Variants in RBFOX1 observed in about 807,000 individuals in gnomAD.
RBFOX1 encodes the protein RNA binding fox-1 homolog 1, also known as RNA binding protein fox-1 homolog 1.
A neutral mutation model predicts 57.7 loss-of-function variants in RBFOX1; 8 were observed. The ratio of observed to expected loss-of-function variants is 0.14; its 90% CI spans 0.08 to 0.25. The LOEUF is 0.25. Ranked by LOEUF, RBFOX1 falls within the 10% of genes least tolerant of loss-of-function variation. The pLI is 1.00. For missense variants in RBFOX1, 611 were observed against 548.5 expected (o/e 1.11, Z -1.14); for synonymous variants, 326 against 222.4 (o/e 1.47, Z -4.15).
At chr16:5,801,521 G>A (rs1166887592) in intron 3 of RBFOX1, among the ~76,000 whole-genome samples, 1 of 152,142 alleles carries the variant, frequency 6.6e-6, no homozygotes, top group Non-Finnish European at 1.5e-5. Flanking sequence ...AGAGACATAT[G>A]TGTCTCGACA....
chr16:6,098,067 A>C (rs2096265815), intron 1 of RBFOX1, among the ~76,000 whole-genome samples: 1 of 152,194 alleles, frequency 6.6e-6, no homozygotes. Context: ...TTTCAAAGGC[A>C]AGAGAAGTGT....
intron 4 of RBFOX1, among the ~76,000 whole-genome samples, chr16:7,115,414 G>GT (rs1349874733): frequency 6.6e-6 from 1 of 152,192 alleles, no homozygotes; most frequent in African/African-American, 2.4e-5. Context: ...TTTTGCCTTA[G>GT]TTACCTATTG....
intron 3 of RBFOX1, among the ~76,000 whole-genome samples, chr16:5,670,228 T>G (rs941005642): frequency 6.6e-6 from 1 of 152,216 alleles, no homozygotes; most frequent in East Asian, 1.9e-4. Context: ...GGTTTCCTTG[T>G]AATGAAAATG....
At chr16:7,477,345 C>G (rs113738730) in intron 4 of RBFOX1, among the ~76,000 whole-genome samples, 3 of 152,192 alleles carry the variant, frequency 2.0e-5, no homozygotes, top group African/African-American at 7.2e-5. Flanking sequence ...CCAAACAGCC[C>G]TAAATCATTG....
intron 4 of RBFOX1, among the ~76,000 whole-genome samples, chr16:7,314,457 G>T (rs928468717): frequency 6.6e-6 from 1 of 152,196 alleles, no homozygotes; most frequent in African/African-American, 2.4e-5. Flanking sequence ...GTGTGCGCCT[G>T]TGTGCGGTTG....
chr16:7,003,508 C>A (rs1022338142), intron 3 of RBFOX1, among the ~76,000 whole-genome samples: 1 of 151,504 alleles, frequency 6.6e-6, no homozygotes, highest in African/African-American at 2.4e-5. Context: ...TTGTGAAGCC[C>A]TGTTAAATCC....
intron 3 of RBFOX1, among the ~76,000 whole-genome samples, chr16:6,812,822 A>C (rs1368157256): frequency 6.6e-6 from 1 of 152,178 alleles, no homozygotes; most frequent in African/African-American, 2.4e-5. Context: ...TAGGTTTTGC[A>C]TACAGCAGTA....
rs146999656 is a variant in RBFOX1, at chr16:6,269,797, G to A, written c.-126-47198G>A. On this transcript the variant is annotated intron_variant, in intron 1 of 15. Coordinates refer to ENST00000550418, the MANE Select transcript of RBFOX1 (RefSeq NM_018723.4). ...AGGAATTTTAGAACATCAGCAAGGA[G>A]GAAAACAAAAATAGCCATTAATATG... Among the ~76,000 whole-genome samples, 30 of 152,132 alleles carry A rather than the reference G, an allele frequency of 2.0e-4. No homozygotes were observed. The East Asian group carries it at 4.6e-3, about 24-fold the overall frequency.
At chr16:6,393,031 A>G (rs897907652) in intron 2 of RBFOX1, among the ~76,000 whole-genome samples, 1 of 152,192 alleles carries the variant, frequency 6.6e-6, no homozygotes, top group Non-Finnish European at 1.5e-5. Context: ...GGGAGGTTGA[A>G]CAATAGGCTG....
At chr16:6,704,461 T>C (rs564047743) in intron 3 of RBFOX1, 6 of 152,312 alleles carry the variant, frequency 3.9e-5, no homozygotes, top group African/African-American at 9.6e-5. Flanking sequence ...CTCAGGACTT[T>C]CCTCTTCACA....
At chr16:6,144,977 T>C in intron 1 of RBFOX1, among the ~76,000 whole-genome samples, 1 of 152,202 alleles carries the variant, frequency 6.6e-6, no homozygotes, top group Non-Finnish European at 1.5e-5. Context: ...CTGGACATCA[T>C]GGCTACAAGC....
chr16:7,413,839 C>T (rs1054740231), intron 4 of RBFOX1, among the ~76,000 whole-genome samples: 12 of 152,066 alleles, frequency 7.9e-5, no homozygotes, highest in African/African-American at 2.9e-4. Flanking sequence ...GGTTTCTACC[C>T]TATAAATTGA....
chr16:5,687,453 T>A (rs1021468231), intron 3 of RBFOX1, among the ~76,000 whole-genome samples: 6 of 152,206 alleles, frequency 3.9e-5, no homozygotes, highest in Non-Finnish European at 7.3e-5. Flanking sequence ...ATCTCACAAC[T>A]GTTGGGAGTA....
At chr16:6,556,954 TC>T (rs1479442639) in intron 2 of RBFOX1, among the ~76,000 whole-genome samples, 2 of 149,484 alleles carry the variant, frequency 1.3e-5, no homozygotes, top group Non-Finnish European at 3.0e-5. Context: ...TATTAAATAT[TC>T]ATTATATATA....
chr16:6,440,225 G>C (rs1009992164), intron 2 of RBFOX1, among the ~76,000 whole-genome samples: 6 of 152,058 alleles, frequency 3.9e-5, no homozygotes, highest in African/African-American at 1.4e-4. Context: ...GTGAGCCTTA[G>C]GTGGCCATTT....
chr16:6,521,193 C>G (rs142946235), intron 2 of RBFOX1, among the ~76,000 whole-genome samples: 1 of 151,926 alleles, frequency 6.6e-6, no homozygotes, highest in Non-Finnish European at 1.5e-5. Context: ...ATGGGTATTG[C>G]TTAAATTATA....
chr16:7,650,018 A>AGG (rs2144460304), intron 11 of RBFOX1, among the ~76,000 whole-genome samples: 1 of 33,144 alleles, frequency 3.0e-5, no homozygotes, highest in East Asian at 2.6e-3. Flanking sequence ...GGGAAGACAA[A>AGG]AGGAAGAAAG....
intron 12 of RBFOX1, among the ~76,000 whole-genome samples, chr16:7,657,039 A>G (rs951425196): frequency 1.3e-5 from 2 of 152,216 alleles, no homozygotes; most frequent in African/African-American, 2.4e-5. Flanking sequence ...ACTGTCACCA[A>G]TTGAAGGCAT....
intron 1 of RBFOX1, among the ~76,000 whole-genome samples, chr16:6,220,953 ACT>A (rs2097369237): frequency 6.6e-6 from 1 of 150,602 alleles, no homozygotes; most frequent in South Asian, 2.1e-4. Flanking sequence ...CAAATACTTC[ACT>A]CTGTGTGTGT....
Sources: gnomAD v4.1 joint callset for allele counts (sites outside exome capture counted in the v4.1 genomes callset) on GRCh38, gnomAD v4.1.1 for gene constraint, MANE v1.5 for transcripts, NCBI Gene and HGNC (gene_info 2026-07-23, HGNC 2026-07-21) for gene names.